SEM1: variants seen among roughly 807,000 people sequenced by gnomAD.
SEM1 encodes SEM1 26S proteasome subunit.
Under a neutral mutation model 12.7 loss-of-function variants are expected in SEM1, and 3 were observed. The observed-to-expected ratio is 0.24, with a 90% CI of 0.11 to 0.61. The LOEUF (loss-of-function observed/expected upper bound fraction) is 0.61, where lower values mean the gene tolerates loss of function less well. Among genes scored for constraint, SEM1 ranks in the 20% least tolerant of loss-of-function variants. The probability of loss-of-function intolerance (pLI) is 0.88; values close to 1 mark genes in which losing one functional copy is unlikely to be tolerated. For missense variants in SEM1, 59 were observed against 81.3 expected (o/e 0.73, Z 1.06); for synonymous variants, 30 against 27.8 (o/e 1.08, Z -0.25).
intron 2 of SEM1, among the ~76,000 whole-genome samples, chr7:96,556,278 C>T (rs895822593): frequency 6.6e-6 from 1 of 151,204 alleles, no homozygotes; most frequent in Non-Finnish European, 1.5e-5. Flanking sequence ...GCAGTTTCTT[C>T]CTAGTCTCAA....
chr7:96,699,878 T>C (rs373197156), intron 1 of SEM1, among the ~76,000 whole-genome samples: 1 of 152,074 alleles, frequency 6.6e-6, no homozygotes, highest in East Asian at 1.9e-4. Flanking sequence ...ACTTCCAAAA[T>C]ACTAAAGCAC....
intron 2 of SEM1, among the ~76,000 whole-genome samples, chr7:96,627,168 T>C (rs1346067577): frequency 2.0e-5 from 3 of 152,184 alleles, no homozygotes; most frequent in Non-Finnish European, 4.4e-5. Flanking sequence ...CTCAGTTATT[T>C]TGGCAGAAGT....
At chr7:96,553,870 T>C (rs921287646) in intron 2 of SEM1, among the ~76,000 whole-genome samples, 3 of 152,342 alleles carry the variant, frequency 2.0e-5, no homozygotes, top group Non-Finnish European at 4.4e-5. Context: ...TTTTATTTCA[T>C]TAAGCAGTGG....
chr7:96,566,829 T>TTG (rs1028401718), intron 2 of SEM1, among the ~76,000 whole-genome samples: 2 of 151,656 alleles, frequency 1.3e-5, no homozygotes, highest in Non-Finnish European at 3.0e-5. Context: ...CCATCTGAAG[T>TTG]AAGAATTAAT....
chr7:96,633,462 G>A (rs1808334863), intron 2 of SEM1, among the ~76,000 whole-genome samples: 1 of 151,986 alleles, frequency 6.6e-6, no homozygotes, highest in African/African-American at 2.4e-5. Context: ...ATAGCACAAT[G>A]TTTTGAACAT....
intron 2 of SEM1, among the ~76,000 whole-genome samples, chr7:96,512,762 A>G (rs1286416380): frequency 6.6e-6 from 1 of 152,094 alleles, no homozygotes; most frequent in Non-Finnish European, 1.5e-5. Flanking sequence ...GTAAAAGCAT[A>G]AAAAGTCTGT....
At chr7:96,487,681 T>C (rs903672827) in intron 1 of SEM1, among the ~76,000 whole-genome samples, 3 of 150,080 alleles carry the variant, frequency 2.0e-5, no homozygotes, top group Admixed American at 2.0e-4. Context: ...ACATGGCACA[T>C]GGTGAAGATG....
intron 2 of SEM1, among the ~76,000 whole-genome samples, chr7:96,638,450 A>G (rs1584824365): frequency 1.3e-5 from 2 of 152,098 alleles, no homozygotes; most frequent in South Asian, 4.1e-4. Context: ...TTTTTAAACA[A>G]TATATATTTT....
At chr7:96,678,344 G>A (rs1789509783) in intron 2 of SEM1, among the ~76,000 whole-genome samples, 1 of 152,034 alleles carries the variant, frequency 6.6e-6, no homozygotes, top group African/African-American at 2.4e-5. Flanking sequence ...CTAACATCAT[G>A]GTCACAAATA....
chr7:96,500,347 T>C (rs1021216997), upstream of SEM1, among the ~76,000 whole-genome samples: 1 of 152,116 alleles, frequency 6.6e-6, no homozygotes, highest in African/African-American at 2.4e-5. Context: ...AACAGCAACC[T>C]GTGAAAATGC....
At chr7:96,685,431 A>T (rs1789733860), downstream of SEM1, among the ~76,000 whole-genome samples, 1 of 151,010 alleles carries the variant, frequency 6.6e-6, no homozygotes, top group South Asian at 2.1e-4. Flanking sequence ...AATTTGCAGC[A>T]AACTTCATTT....
chr7:96,502,484 T>C (rs775730171), intron 3 of SEM1, among the ~76,000 whole-genome samples: 19 of 152,132 alleles, frequency 1.2e-4, no homozygotes, highest in Non-Finnish European at 2.4e-4. Context: ...ACTTACAGCA[T>C]ATAAATTTAA....
At chr7:96,544,110 G>A (rs1805033726) in intron 2 of SEM1, among the ~76,000 whole-genome samples, 1 of 151,990 alleles carries the variant, frequency 6.6e-6, no homozygotes, top group African/African-American at 2.4e-5. Context: ...AAACATCACA[G>A]AGAAATGAAA....
At chr7:96,524,254 C>T (rs1384346380) in intron 2 of SEM1, among the ~76,000 whole-genome samples, 2 of 152,106 alleles carry the variant, frequency 1.3e-5, no homozygotes, top group South Asian at 2.1e-4. Flanking sequence ...CAACATCACC[C>T]CTAGGACAGG....
At chr7:96,570,286 G>A (rs1805979177) in intron 2 of SEM1, among the ~76,000 whole-genome samples, 1 of 151,712 alleles carries the variant, frequency 6.6e-6, no homozygotes. Context: ...ATGGTGGTCT[G>A]CTGCACCCAT....
chr7:96,602,215 A>C (rs1370537421), intron 2 of SEM1, among the ~76,000 whole-genome samples: 1 of 152,240 alleles, frequency 6.6e-6, no homozygotes, highest in African/African-American at 2.4e-5. Flanking sequence ...ATAAGCCTGA[A>C]TAACAGTTCA....
At chr7:96,539,852 A>G in intron 2 of SEM1, among the ~76,000 whole-genome samples, 1 of 151,656 alleles carries the variant, frequency 6.6e-6, no homozygotes, top group East Asian at 1.9e-4. Flanking sequence ...TAATCTTGAT[A>G]CATTAAGGTT....
chr7:96,607,692 C>T (rs1416452608), intron 2 of SEM1, among the ~76,000 whole-genome samples: 2 of 152,186 alleles, frequency 1.3e-5, no homozygotes, highest in East Asian at 3.9e-4. Context: ...GGCAGCTGGT[C>T]ATGGAGATAC....
intron 2 of SEM1, among the ~76,000 whole-genome samples, chr7:96,631,408 A>C (rs952191370): frequency 4.2e-4 from 64 of 152,208 alleles, no homozygotes; most frequent in African/African-American, 1.5e-3. Context: ...GACAGCACTG[A>C]GCTCAGTGCC....
Sources: gnomAD v4.1 joint callset for allele counts (sites outside exome capture counted in the v4.1 genomes callset) on GRCh38, gnomAD v4.1.1 for gene constraint, MANE v1.5 for transcripts, NCBI Gene and HGNC (gene_info 2026-07-23, HGNC 2026-07-21) for gene names.